AGK: variants seen among roughly 807,000 people sequenced by gnomAD.
AGK encodes the protein acylglycerol kinase, mitochondrial.
Under a neutral mutation model 66.4 loss-of-function variants are expected in AGK, and 52 were observed. The observed-to-expected ratio is 0.78, with a 90% CI of 0.63 to 0.99. The LOEUF is 0.99. Among genes scored for constraint, AGK ranks in the 50% least tolerant of loss-of-function variants. The probability of loss-of-function intolerance (pLI) is 0.00; values close to 1 mark genes in which losing one functional copy is unlikely to be tolerated. For missense variants in AGK, 451 were observed against 506.6 expected (o/e 0.89, Z 1.05); for synonymous variants, 182 against 181.1 (o/e 1.00, Z -0.04).
chr7:141,593,356 A>T (rs1332034389), intron 3 of AGK, 171 bp downstream of exon 3: 1 of 717,160 alleles, frequency 1.4e-6, no homozygotes, highest in Admixed American at 2.0e-5. Context: ...AACTCCAGGA[A>T]GTTAACCATC....
intron 2 of AGK, among the ~76,000 whole-genome samples, chr7:141,575,399 A>C (rs746898571): frequency 2.6e-5 from 4 of 152,232 alleles, no homozygotes; most frequent in Non-Finnish European, 5.9e-5. Context: ...TTAAGTGAAC[A>C]TACCAGAATC....
chr7:141,652,603 C>A, intron 15 of AGK, 184 bp from the exon 16 acceptor site: 1 of 473,712 alleles, frequency 2.1e-6, no homozygotes. Flanking sequence ...AGGATGTTTC[C>A]AGAACCAGCA....
At chr7:141,623,384 A>G (rs1268195202) in intron 9 of AGK, among the ~76,000 whole-genome samples, 1 of 150,542 alleles carries the variant, frequency 6.6e-6, no homozygotes, top group South Asian at 2.1e-4. Flanking sequence ...TTTCTCAAAA[A>G]AAAAAAAAGA....
intron 1 of AGK, among the ~76,000 whole-genome samples, chr7:141,554,628 TA>T (rs1474958482): frequency 6.6e-6 from 1 of 152,222 alleles, no homozygotes; most frequent in African/African-American, 2.4e-5. Context: ...ATTATGTCCT[TA>T]CTCTCATGGA....
At chr7:141,636,798 T>G (rs187747993) in intron 10 of AGK, among the ~76,000 whole-genome samples, 162 bp from the exon 11 acceptor site, 9 of 152,334 alleles carry the variant, frequency 5.9e-5, no homozygotes, top group Admixed American at 5.9e-4. Flanking sequence ...GATTTAAAAT[T>G]GAATGTAATA....
intron 2 of AGK, among the ~76,000 whole-genome samples, chr7:141,564,374 G>A (rs551759693): frequency 4.0e-4 from 61 of 152,288 alleles, no homozygotes; most frequent in Non-Finnish European, 7.5e-4. Flanking sequence ...GGCAAAAGGG[G>A]AAGCAAACAC....
At position 141,651,702 on chromosome 7, in the gene AGK, G is replaced by A; in HGVS notation, c.1131+93G>A. ...GTCCCATCCTTCCTCTCTGTTAGCT[G>A]ACCTAGACTTAGGCACATATTGTGT... On this transcript the variant is annotated intron_variant, in intron 15 of 15. Transcript: ENST00000649286. The A allele has an allele frequency of 2.5e-6, 3 of 1,195,848 alleles. 1 individual carries two copies. In the South Asian group the frequency reaches 3.7e-5, roughly 15 times the overall value. 74.1% of individuals were successfully genotyped at this position (1,195,848 alleles called of 1,614,324 possible).
rs61143811 is a variant in AGK at position 141,582,295 on chromosome 7, G to A, written c.102-10851G>A. Among the ~76,000 whole-genome samples the A allele has an allele frequency of 5.1e-3, 778 of 152,056 alleles. 23 individuals are homozygous for A. The highest frequency in any genetic ancestry group is 0.018 in the African/African-American group (733 of 41,340). On this transcript the variant is annotated intron_variant, in intron 2 of 15. Transcript: ENST00000649286. Reference sequence around the variant, plus strand: ...TCCTGGAGGAATGCCTGGCCGCTGCGGTTTAGGTGTTTGGAAGTTCTTGTG... The same window carrying A: ...TCCTGGAGGAATGCCTGGCCGCTGCAGTTTAGGTGTTTGGAAGTTCTTGTG...
intron 11 of AGK, among the ~76,000 whole-genome samples, chr7:141,638,092 A>T (rs1797212369): frequency 6.6e-6 from 1 of 152,214 alleles, no homozygotes; most frequent in Non-Finnish European, 1.5e-5. Flanking sequence ...AATAGTTGAC[A>T]TATGCTTGGG....
intron 10 of AGK, among the ~76,000 whole-genome samples, chr7:141,636,603 A>AC (rs1797175073): frequency 6.6e-6 from 1 of 152,134 alleles, no homozygotes; most frequent in Admixed American, 6.6e-5. Flanking sequence ...CCGGGACTTG[A>AC]ACATCTGCAG....
At chr7:141,606,021 C>T (rs1043527909) in intron 5 of AGK, among the ~76,000 whole-genome samples, 1 of 152,126 alleles carries the variant, frequency 6.6e-6, no homozygotes, top group Non-Finnish European at 1.5e-5. Context: ...GTAAGTCGTA[C>T]CCAGGTCACA....
Position 141,568,316 on chromosome 7 carries a change from T to C in AGK, c.101+12749T>C, listed in dbSNP as rs1795511559. 2.6e-5 allele frequency among the ~76,000 whole-genome samples: 4 copies of C among 152,328 alleles called. No homozygotes were observed. In the South Asian group the frequency reaches 8.3e-4, roughly 32 times the overall value. On this transcript the variant is annotated intron_variant, in intron 2 of 15. Coordinates refer to ENST00000649286, the MANE Select transcript of AGK (RefSeq NM_018238.4). Reference sequence around the variant, plus strand: ...GTGTCGGAAGCCTTTTCCATCTGATTTGGGCTCAGATTATTCCTGCATCAC... The same window carrying C: ...GTGTCGGAAGCCTTTTCCATCTGATCTGGGCTCAGATTATTCCTGCATCAC...
rs151022779 is a variant in AGK at position 141,634,677 on chromosome 7, G to A, written c.668+697G>A. 2.0e-5 allele frequency among the ~76,000 whole-genome samples: 3 copies of A among 152,306 alleles called. No homozygotes were observed. The East Asian group carries it at 5.8e-4, about 29-fold the overall frequency. ...AGCAGGACTGCAGGGGACACCATGT[G>A]AGATTCGCTTCATACCTGGTGGTGG... is the stretch of plus-strand genomic sequence containing the variant. On this transcript the variant is annotated intron_variant, in intron 10 of 15. Transcript: ENST00000649286.
At position 141,555,472 on chromosome 7, in the gene AGK, G is replaced by T. The variant is rs769219287; in HGVS notation, c.6G>T (p.Thr2=). The change falls in exon 2 of 16, where the codon ACG becomes ACT. Residue 2 remains threonine, a synonymous_variant. Coordinates refer to ENST00000649286, the MANE Select transcript of AGK (RefSeq NM_018238.4). This position sits in a 1 kb window ranked among gnomAD's most constrained non-coding sequence, Gnocchi z 4.2. ...ACCTAGCAAATCTCTAGAAGATGAC[G>T]GTGTTCTTTAAAACGCTTCGAAATC... M[T]VFFKTLRNHW... is the part of the protein sequence containing the mutation. The T allele has an allele frequency of 6.2e-7, 1 of 1,613,046 alleles. No individual in the cohort carries two copies. The highest frequency in any genetic ancestry group is 1.1e-5 in the South Asian group (1 of 90,936).
intron 9 of AGK, among the ~76,000 whole-genome samples, chr7:141,629,727 C>T (rs190482411): frequency 6.6e-6 from 1 of 152,216 alleles, no homozygotes; most frequent in African/African-American, 2.4e-5. Flanking sequence ...ATCAGTGGAA[C>T]TTTGGGGTCA....
rs1554400830 is a variant in AGK, at chr7:141,604,374, G to GTGTATATATATATA, written c.297+3095_297+3096insGTATATATATATAT. 2.5e-3 allele frequency among the ~76,000 whole-genome samples: 284 copies of GTGTATATATATATA among 113,740 alleles called. 3 individuals are homozygous for GTGTATATATATATA. Among genetic ancestry groups the GTGTATATATATATA allele is most frequent in the African/African-American group, 8.6e-3 (251 of 29,166 alleles). The allele number at this position is 113,740 out of a possible 152,430, so 74.6% of individuals were successfully genotyped here. On this transcript the variant is annotated intron_variant, in intron 5 of 15. Transcript: ENST00000649286. ...CATATGTATGAATGTGTGTGTGTGT[G>GTGTATATATATATA]TATATATATATATATATATATATAT...
chr7:141,632,060 C>T (rs1420072820), intron 9 of AGK, among the ~76,000 whole-genome samples: 1 of 151,888 alleles, frequency 6.6e-6, no homozygotes, highest in East Asian at 1.9e-4. Context: ...GAAACCCCGT[C>T]TCTACTAAAA....
At chr7:141,582,783 G>T (rs1795908770) in intron 2 of AGK, among the ~76,000 whole-genome samples, 1 of 151,918 alleles carries the variant, frequency 6.6e-6, no homozygotes, top group Non-Finnish European at 1.5e-5. Context: ...CTGTAAGCCA[G>T]ACCGGGTGTG....
chr7:141,573,830 TTTA>T (rs1795669068), intron 2 of AGK, among the ~76,000 whole-genome samples: 1 of 152,154 alleles, frequency 6.6e-6, no homozygotes, highest in Non-Finnish European at 1.5e-5. Context: ...CTCCTTTTTC[TTTA>T]TTATTATTAT....
Sources: gnomAD v4.1 joint callset for allele counts (sites outside exome capture counted in the v4.1 genomes callset) on GRCh38, gnomAD v4.1.1 for gene constraint, Gnocchi (gnomAD v3.1) non-coding constraint, MANE v1.5 for transcripts, NCBI Gene and HGNC (gene_info 2026-07-23, HGNC 2026-07-21) for gene names.